JHY: variants seen among roughly 807,000 people sequenced by gnomAD.
JHY encodes jhy protein homolog.
A neutral mutation model predicts 78.0 loss-of-function variants in JHY; 69 were observed. The observed-to-expected ratio is 0.88, with a 90% CI of 0.73 to 1.08. The LOEUF is 1.08. Ranked by LOEUF, JHY falls within the 50% of genes least tolerant of loss-of-function variation. The pLI is 0.00. For missense variants in JHY, 944 were observed against 927.8 expected (o/e 1.02, Z -0.23); for synonymous variants, 368 against 342.6 (o/e 1.07, Z -0.82).
chr11:122,891,438 G>A lies in JHY; in HGVS notation c.344+5245G>A, dbSNP rs376223160. ...TGAAGAGTGGAGAGGGGATCTTCAC[G>A]TGATAATCCTTAAACCCCACTCCAG... On this transcript the variant is annotated intron_variant, in intron 2 of 8. Transcript: ENST00000227349. Among the ~76,000 whole-genome samples, 18 of 152,100 alleles carry A rather than the reference G, an allele frequency of 1.2e-4. No individual in the cohort carries two copies. In the East Asian group the frequency reaches 2.5e-3, roughly 21 times the overall value.
At chr11:122,947,859 G>A (rs559210720) in intron 6 of JHY, among the ~76,000 whole-genome samples, 2 of 152,192 alleles carry the variant, frequency 1.3e-5, no homozygotes, top group Admixed American at 6.5e-5. Context: ...CCAAGGTTCT[G>A]AGGGTTCTAA....
chr11:122,919,092 C>G (rs1863296626), intron 3 of JHY, among the ~76,000 whole-genome samples: 1 of 152,064 alleles, frequency 6.6e-6, no homozygotes, highest in African/African-American at 2.4e-5. Context: ...GTGGGTCACG[C>G]CTGTAATCCC....
chr11:122,900,695 A>C (rs944658450), intron 2 of JHY, among the ~76,000 whole-genome samples: 4 of 152,064 alleles, frequency 2.6e-5, no homozygotes, highest in African/African-American at 9.7e-5. Context: ...TGTCAAGTAC[A>C]TTCTGACCTA....
chr11:122,925,002 C>T lies in JHY; in HGVS notation c.970C>T (p.Gln324Ter), dbSNP rs749802026. ...AGATAAATGGCATCAAAGAGCACAACAGCTAAAGGTTACCTGCTAGATTGC... is the reference window on the plus strand; with the variant it reads ...AGATAAATGGCATCAAAGAGCACAATAGCTAAAGGTTACCTGCTAGATTGC... The part of the protein sequence containing the change: ...PEDKWHQRAQ[Q>*]LKNYQEHWSQ... Residue 324 changes from glutamine to a stop codon, truncating the protein, a stop_gained, in exon 4 of 9, where the codon CAG (glutamine) becomes TAG (stop). Transcript: ENST00000227349. LOFTEE classifies it high-confidence loss of function. 8 of 1,610,568 alleles carry T rather than the reference C, an allele frequency of 5.0e-6. No homozygotes were observed. The highest frequency in any genetic ancestry group is 2.2e-5 in the East Asian group (1 of 44,870).
Position 122,956,714 on chromosome 11 carries a change from T to C in JHY, c.2010+138T>C, listed in dbSNP as rs1864199591. ...GAATAGAGACCTTCTGAAATAATCT[T>C]GGTATAGAGACCCAGACACGTGCCT... On this transcript the variant is annotated intron_variant, in intron 7 of 8. Coordinates refer to ENST00000227349, the MANE Select transcript of JHY (RefSeq NM_024806.4). 5.0e-6 allele frequency: 3 copies of C among 604,020 alleles called. No individual in the cohort carries two copies. In the East Asian group the frequency reaches 9.0e-5, roughly 18 times the overall value. 37.4% of individuals were successfully genotyped at this position (604,020 alleles called of 1,614,324 possible).
intron 2 of JHY, among the ~76,000 whole-genome samples, chr11:122,888,226 G>A (rs995269875): frequency 2.0e-5 from 3 of 152,204 alleles, no homozygotes; most frequent in Admixed American, 1.3e-4. Flanking sequence ...AAGCCAGGCA[G>A]AGAGAATACA....
intron 6 of JHY, among the ~76,000 whole-genome samples, chr11:122,955,460 A>G (rs1864168620): frequency 6.6e-6 from 1 of 152,154 alleles, no homozygotes; most frequent in South Asian, 2.1e-4. Context: ...GGTTTGGGGA[A>G]TATCTTAATC....
intron 3 of JHY, chr11:122,905,234 T>C (rs2135310025): frequency 6.2e-7 from 1 of 1,614,026 alleles, no homozygotes; most frequent in Non-Finnish European, 8.5e-7. Context: ...GCCAGTAAAC[T>C]TAGTTCCATT....
rs1393174879 is a variant in JHY, at chr11:122,956,518, A to C, written c.1952A>C (p.Gln651Pro). The change falls in exon 7 of 9, where the codon CAG becomes CCG. Residue 651 changes from glutamine (Q) to proline (P), a missense_variant. Coordinates refer to ENST00000227349, the MANE Select transcript of JHY (RefSeq NM_024806.4). The part of the protein sequence containing the change: ...SSKNTKLKGY[Q>P]KRDVKLGGLG... Reference sequence around the variant, plus strand: ...TAGAACACCAAGCTGAAAGGTTATCAGAAAAGAGACGTGAAGCTTGGAGGC... The same window carrying C: ...TAGAACACCAAGCTGAAAGGTTATCCGAAAAGAGACGTGAAGCTTGGAGGC... 2 of 1,613,670 alleles carry C rather than the reference A, an allele frequency of 1.2e-6. No homozygotes were observed. The highest frequency in any genetic ancestry group is 3.3e-5 in the Admixed American group (2 of 60,002).
At chr11:122,889,088 G>A (rs1239786448) in intron 2 of JHY, among the ~76,000 whole-genome samples, 2 of 152,156 alleles carry the variant, frequency 1.3e-5, no homozygotes, top group Non-Finnish European at 2.9e-5. Flanking sequence ...GTGCCTGCAA[G>A]TTACCAGTCC....
chr11:122,951,387 CT>C (rs2135378617), intron 6 of JHY, among the ~76,000 whole-genome samples: 1 of 152,328 alleles, frequency 6.6e-6, no homozygotes, highest in East Asian at 1.9e-4. Flanking sequence ...AAGTAATTAA[CT>C]CATGTGTTTG....
intron 3 of JHY, among the ~76,000 whole-genome samples, chr11:122,915,538 A>T (rs1222423417): frequency 2.6e-5 from 4 of 152,166 alleles, no homozygotes; most frequent in Non-Finnish European, 5.9e-5. Context: ...TTTGAGACAG[A>T]GTCTCGCCCT....
intron 3 of JHY, among the ~76,000 whole-genome samples, chr11:122,909,782 A>G (rs1315370792): frequency 1.3e-5 from 2 of 152,096 alleles, no homozygotes; most frequent in Non-Finnish European, 2.9e-5. Flanking sequence ...CCATCTCAAA[A>G]AAATAAATTA....
intron 3 of JHY, among the ~76,000 whole-genome samples, chr11:122,913,089 G>A (rs1288138638): frequency 1.3e-5 from 2 of 151,914 alleles, no homozygotes; most frequent in African/African-American, 4.8e-5. Context: ...AAACAATAAC[G>A]TTCACACGCC....
intron 2 of JHY, among the ~76,000 whole-genome samples, chr11:122,889,305 T>C (rs369425717): frequency 1.3e-4 from 18 of 136,816 alleles, no homozygotes; most frequent in Non-Finnish European, 2.3e-4. Context: ...TGGGTATCCT[T>C]CGATAGAGTT....
chr11:122,940,962 G>C (rs1289309248), intron 5 of JHY, among the ~76,000 whole-genome samples: 1 of 151,678 alleles, frequency 6.6e-6, no homozygotes, highest in Middle Eastern at 3.2e-3. Flanking sequence ...TGTTCTCACT[G>C]TCTTGGATTT....
At position 122,903,539 on chromosome 11, in the gene JHY, C is replaced by T. The variant is rs142468931; in HGVS notation, c.345-386C>T. ...TGTCTCCCAGGCTGGAGTGCAGTGT[C>T]GTGATTATAGCTCACTGTAGCCTCT... On this transcript the variant is annotated intron_variant, in intron 2 of 8. Coordinates refer to ENST00000227349, the MANE Select transcript of JHY (RefSeq NM_024806.4). Among the ~76,000 whole-genome samples, 194 of 152,244 alleles carry T rather than the reference C, an allele frequency of 1.3e-3. 1 individual carries two copies. The highest frequency in any genetic ancestry group is 7.2e-3 in the East Asian group (37 of 5,174).
intron 3 of JHY, among the ~76,000 whole-genome samples, chr11:122,913,209 C>T (rs1175272068): frequency 6.6e-6 from 1 of 152,160 alleles, no homozygotes; most frequent in African/African-American, 2.4e-5. Context: ...GTCAATCAAA[C>T]ACTGTCCTAG....
intron 7 of JHY, 76 bp from the exon 8 acceptor site, chr11:122,957,287 C>A: frequency 6.9e-7 from 1 of 1,442,228 alleles, no homozygotes; most frequent in Non-Finnish European, 9.1e-7. Context: ...ATACTGAAAC[C>A]AGGGCATCGC....
Sources: allele counts gnomAD v4.1 joint callset (sites outside exome capture counted in the v4.1 genomes callset), GRCh38; gene constraint gnomAD v4.1.1; transcripts MANE v1.5; gene names NCBI Gene and HGNC (gene_info 2026-07-23, HGNC 2026-07-21).